Variants in INPP4B observed in about 807,000 individuals in gnomAD.
INPP4B encodes the protein inositol polyphosphate 4-phosphatase type II.
In INPP4B, 55 loss-of-function variants were observed where a neutral mutation model predicts 122.5. That is an observed-to-expected ratio of 0.45 (90% CI 0.36 to 0.56). The LOEUF is 0.56. Ranked by LOEUF, INPP4B falls within the 20% of genes least tolerant of loss-of-function variation. The pLI, the probability that INPP4B is intolerant of heterozygous loss-of-function variation, is 0.00. For synonymous variants in INPP4B, 403 were observed against 388.7 expected (o/e 1.04, Z -0.43); for missense variants, 1,000 against 1,097.7 (o/e 0.91, Z 1.26).
chr4:142,598,203 A>G (rs901429676), intron 2 of INPP4B, among the ~76,000 whole-genome samples: 1 of 152,102 alleles, frequency 6.6e-6, no homozygotes, highest in Non-Finnish European at 1.5e-5. Flanking sequence ...TATTACAGGG[A>G]AAGGGTAAGT....
At position 142,721,865 on chromosome 4, in the gene INPP4B, C is replaced by T. The variant is rs79621830; in HGVS notation, c.-191+3974G>A. ...AAGCATAGTAGGTTCTCCAGGTAGT[C>T]CTAATTAATACAAAACATAGCAAAA... On this transcript the variant is annotated intron_variant, in intron 2 of 25. Transcript: ENST00000262992. Among the ~76,000 whole-genome samples, 791 of 152,048 alleles carry T rather than the reference C, an allele frequency of 5.2e-3. 7 individuals are homozygous for T. The highest frequency in any genetic ancestry group is 6.3e-3 in the Non-Finnish European group (429 of 67,996).
intron 1 of INPP4B, among the ~76,000 whole-genome samples, chr4:142,762,261 T>A (rs1481868491): frequency 1.3e-5 from 2 of 152,014 alleles, no homozygotes; most frequent in Non-Finnish European, 2.9e-5. Flanking sequence ...AATACTAGAG[T>A]GGAGAAATAG....
At chr4:142,626,543 G>T (rs1327405520) in intron 2 of INPP4B, among the ~76,000 whole-genome samples, 1 of 152,084 alleles carries the variant, frequency 6.6e-6, no homozygotes, top group East Asian at 1.9e-4. Flanking sequence ...ACAATGATGT[G>T]AACTTGGAAA....
chr4:142,519,817 C>T (rs890564283), intron 2 of INPP4B, among the ~76,000 whole-genome samples: 5 of 152,030 alleles, frequency 3.3e-5, no homozygotes, highest in African/African-American at 9.7e-5. Context: ...AGAAGATAAA[C>T]ATTTACTCTT....
At chr4:142,672,302 C>A (rs950820843) in intron 2 of INPP4B, among the ~76,000 whole-genome samples, 1 of 152,090 alleles carries the variant, frequency 6.6e-6, no homozygotes, top group Non-Finnish European at 1.5e-5. Flanking sequence ...TTTACTTTTA[C>A]AAGAAATTTC....
At chr4:142,371,832 G>A (rs1439937839) in intron 7 of INPP4B, among the ~76,000 whole-genome samples, 1 of 149,800 alleles carries the variant, frequency 6.7e-6, no homozygotes, top group Non-Finnish European at 1.5e-5. Context: ...ACTATGGTGG[G>A]AATATAAATT....
chr4:142,082,066 C>A lies in INPP4B; in HGVS notation c.2607G>T (p.Lys869Asn). Residue 869 changes from lysine to asparagine, a missense_variant, in exon 25 of 26, where the codon AAG (lysine) becomes AAT (asparagine). Transcript: ENST00000262992. Reference sequence around the variant, plus strand: ...AATCCAGCGCTCGGATAAAGAAGTCCTTGTGTAACTGGTGCTCATCTCTCA... The same window carrying A: ...AATCCAGCGCTCGGATAAAGAAGTCATTGTGTAACTGGTGCTCATCTCTCA... ...SILRDEHQLH[K>N]DFFIRALDCM... 2 of 1,478,366 alleles carry A rather than the reference C, an allele frequency of 1.4e-6. No homozygotes were observed. Among genetic ancestry groups the A allele is most frequent in the South Asian group, 1.5e-5 (1 of 66,842 alleles). 91.6% of individuals were successfully genotyped at this position (1,478,366 alleles called of 1,614,324 possible).
chr4:142,253,833 C>T (rs1039125144), intron 11 of INPP4B, among the ~76,000 whole-genome samples: 11 of 152,188 alleles, frequency 7.2e-5, no homozygotes, highest in African/African-American at 2.2e-4. Flanking sequence ...CCAGGAAGCT[C>T]GAACTCGGTG....
chr4:142,452,237 C>A (rs1814445211), intron 3 of INPP4B, among the ~76,000 whole-genome samples: 1 of 152,166 alleles, frequency 6.6e-6, no homozygotes, highest in East Asian at 1.9e-4. Flanking sequence ...ATGAACTCAT[C>A]GACGAGGCAC....
intron 14 of INPP4B, among the ~76,000 whole-genome samples, chr4:142,196,241 G>A (rs1019023466): frequency 2.6e-5 from 4 of 151,800 alleles, no homozygotes; most frequent in South Asian, 2.1e-4. Context: ...TTCTATTTAC[G>A]AACTCATCCC....
chr4:142,227,935 A>T (rs1173865172), intron 12 of INPP4B, among the ~76,000 whole-genome samples: 1 of 151,558 alleles, frequency 6.6e-6, no homozygotes, highest in Non-Finnish European at 1.5e-5. Context: ...AACAGAATAT[A>T]CTTAAAAATT....
intron 3 of INPP4B, among the ~76,000 whole-genome samples, chr4:142,451,065 G>A (rs755564207): frequency 2.0e-5 from 3 of 150,326 alleles, no homozygotes; most frequent in Non-Finnish European, 4.4e-5. Context: ...ATCAAAACAC[G>A]ATAGGTGTAT....
intron 9 of INPP4B, among the ~76,000 whole-genome samples, chr4:142,274,265 T>G (rs756509561): frequency 6.6e-6 from 1 of 151,870 alleles, no homozygotes; most frequent in Non-Finnish European, 1.5e-5. Flanking sequence ...AGGTTCTACT[T>G]CTGACTCATC....
intron 17 of INPP4B, among the ~76,000 whole-genome samples, chr4:142,147,957 T>G (rs993865032): frequency 6.6e-6 from 1 of 152,180 alleles, no homozygotes; most frequent in Non-Finnish European, 1.5e-5. Context: ...AGTAACCTGA[T>G]GGTCTTGACA....
chr4:142,670,168 T>C (rs1756786991), intron 2 of INPP4B, among the ~76,000 whole-genome samples: 1 of 152,090 alleles, frequency 6.6e-6, no homozygotes, highest in Non-Finnish European at 1.5e-5. Flanking sequence ...CAAAAAAACA[T>C]AGTATGTGTA....
chr4:142,067,961 A>G (rs564284329), intron 25 of INPP4B, among the ~76,000 whole-genome samples: 16 of 152,298 alleles, frequency 1.1e-4, no homozygotes, highest in African/African-American at 3.8e-4. Flanking sequence ...CCAACATTCA[A>G]ATTCAGGAAA....
chr4:142,247,919 G>A (rs796605696), intron 11 of INPP4B, among the ~76,000 whole-genome samples: 9 of 152,206 alleles, frequency 5.9e-5, no homozygotes, highest in African/African-American at 2.2e-4. Flanking sequence ...GTTATCTGAA[G>A]TGTAAATTCA....
At chr4:142,374,475 C>T (rs1290061957) in intron 7 of INPP4B, among the ~76,000 whole-genome samples, 4 of 151,762 alleles carry the variant, frequency 2.6e-5, no homozygotes, top group Non-Finnish European at 5.9e-5. Context: ...GAGAGCTTTC[C>T]ATATTGCAAA....
At position 142,185,695 on chromosome 4, in the gene INPP4B, C is replaced by T. The variant is rs536545782; in HGVS notation, c.1181+7392G>A. On this transcript the variant is annotated intron_variant, in intron 15 of 25. Transcript: ENST00000262992. ...GAGACAGAGACCATCCTGGCTAACA[C>T]GGTGAAACCCTGTCTCTACTAAAAA... is the stretch of plus-strand genomic sequence containing the variant. Among the ~76,000 whole-genome samples the T allele has an allele frequency of 1.7e-3, 252 of 151,462 alleles. 4 individuals carry two copies. The highest frequency in any genetic ancestry group is 2.9e-3 in the Non-Finnish European group (199 of 67,814).
Sources: allele counts gnomAD v4.1 joint callset (sites outside exome capture counted in the v4.1 genomes callset), GRCh38; gene constraint gnomAD v4.1.1; transcripts MANE v1.5; gene names NCBI Gene and HGNC (gene_info 2026-07-23, HGNC 2026-07-21).